UPF1: variants seen among roughly 807,000 people sequenced by gnomAD.
UPF1 encodes UPF1 RNA helicase and ATPase, also known as regulator of nonsense transcripts 1.
A neutral mutation model predicts 129.2 loss-of-function variants in UPF1; 9 were observed. The observed-to-expected ratio is 0.07, with a 90% CI of 0.04 to 0.12. The LOEUF (loss-of-function observed/expected upper bound fraction) is 0.12, where lower values mean the gene tolerates loss of function less well. UPF1 is among the 10% of genes least tolerant of loss of function. UPF1 has a pLI of 1.00. For missense variants in UPF1, 788 were observed against 1,525.3 expected (o/e 0.52, Z 8.05); for synonymous variants, 649 against 644.9 (o/e 1.01, Z -0.10).
rs376773925 is a variant in UPF1 at position 18,854,712 on chromosome 19, A to G, written c.1265+3A>G. The G allele has an allele frequency of 2.1e-4, 332 of 1,613,102 alleles. No homozygotes were observed. The highest frequency in any genetic ancestry group is 2.7e-4 in the Non-Finnish European group (314 of 1,179,764). On this transcript the variant is annotated splice_donor_region_variant and intron_variant, in intron 9 of 23. Coordinates refer to ENST00000262803, the MANE Select transcript of UPF1 (RefSeq NM_002911.4). Reference sequence around the variant, plus strand: ...TGGAAGTCGACCTCCTTTGACAGGTACGTCTTCTCCCATCACTGCCCCCTG... The same window carrying G: ...TGGAAGTCGACCTCCTTTGACAGGTGCGTCTTCTCCCATCACTGCCCCCTG...
rs759083658 is a variant in UPF1 at position 18,853,150 on chromosome 19, T to C, written c.1057+79T>C. ...ATTTGTGACCATAAGTAGCATAAAT[T>C]CCTAGTTCCACCCTTGTAAAGTGCC... On this transcript the variant is annotated intron_variant, in intron 7 of 23. Transcript: ENST00000262803. The surrounding 1 kb of genome is among the most constrained non-coding windows in gnomAD (Gnocchi z 4.4). 4 of 1,604,170 alleles carry C rather than the reference T, an allele frequency of 2.5e-6. No homozygotes were observed. Among genetic ancestry groups the C allele is most frequent in the Non-Finnish European group, 3.4e-6 (4 of 1,172,606 alleles).
chr19:18,852,266 C>G lies in UPF1; in HGVS notation c.942C>G (p.Ala314=). The change falls in exon 6 of 24, where the codon GCC becomes GCG. Residue 314 remains alanine (A), a synonymous_variant. Coordinates refer to ENST00000262803, the MANE Select transcript of UPF1 (RefSeq NM_002911.4). ...TCGGGCCCCTGGTCAAGCTGGAGGC[C>G]GACTACGACAAGAAGCTGAAGGAGT... ...NIFGPLVKLE[A]DYDKKLKESQ... The G allele has an allele frequency of 6.2e-7, 1 of 1,613,574 alleles. No homozygotes were observed. The highest frequency in any genetic ancestry group is 2.2e-5 in the East Asian group (1 of 44,820).
At position 18,852,362 on chromosome 19, in the gene UPF1, C is replaced by A. The variant is rs372411858; in HGVS notation, c.972+66C>A. On this transcript the variant is annotated intron_variant, in intron 6 of 23. Coordinates refer to ENST00000262803, the MANE Select transcript of UPF1 (RefSeq NM_002911.4). The stretch of plus-strand genomic sequence containing the variant: ...CTCTCACAGCTCTCTCCTCAGGCTT[C>A]CAGAGGGAGGTTTTCTCTCCAGGCT... 1.3e-4 allele frequency: 199 copies of A among 1,580,220 alleles called. No homozygotes were observed. The African/African-American group carries it at 2.2e-3, about 18-fold the overall frequency.
rs1474616640 is a variant in UPF1 at position 18,849,788 on chromosome 19, C to T, written c.462-287C>T. 36 of 411,212 alleles carry T rather than the reference C, an allele frequency of 8.8e-5. No homozygotes were observed. In the Admixed American group the frequency reaches 1.3e-3, roughly 15 times the overall value. 25.5% of individuals were successfully genotyped at this position (411,212 alleles called of 1,614,324 possible). On this transcript the variant is annotated intron_variant, in intron 3 of 23. Transcript: ENST00000262803. ...GGGCCAACAATGGGTTAAATTAGGCCTGATAAGTTGGATTTAAGAAAGCAG... is the reference window on the plus strand; with the variant it reads ...GGGCCAACAATGGGTTAAATTAGGCTTGATAAGTTGGATTTAAGAAAGCAG...
chr19:18,832,166 G>C lies in UPF1; in HGVS notation c.-44G>C. The C allele has an allele frequency of 6.7e-7, 1 of 1,488,532 alleles. No homozygotes were observed. Among genetic ancestry groups the C allele is most frequent in the Non-Finnish European group, 9.0e-7 (1 of 1,113,416 alleles). 92.2% of individuals were successfully genotyped at this position (1,488,532 alleles called of 1,614,324 possible). On this transcript the variant is annotated 5_prime_UTR_variant, in exon 1 of 24. Transcript: ENST00000262803. This position sits in a 1 kb window ranked among gnomAD's most constrained non-coding sequence, Gnocchi z 5.6. ...TAGGCCTCAGCGCGGCGGCGGGCTC[G>C]AGTGCAGCGCGGAACCGGCCCGAGG...
intron 1 of UPF1, among the ~76,000 whole-genome samples, chr19:18,835,090 C>G (rs2145928981): frequency 6.6e-6 from 1 of 152,288 alleles, no homozygotes; most frequent in African/African-American, 2.4e-5. Context: ...CCCTGCACCC[C>G]TTAGCCCATC....
chr19:18,854,577 A>T (rs902819667), intron 8 of UPF1, 24 bp from the exon 9 acceptor site: 3 of 1,586,632 alleles, frequency 1.9e-6, no homozygotes, highest in African/African-American at 1.3e-5. Context: ...TTTGACAAGG[A>T]TGCAAACTTA....
chr19:18,844,544 G>A lies in UPF1; in HGVS notation c.232-1436G>A, dbSNP rs546253237. ...AACGAGGTTTCACCATGTTGGCCAG[G>A]CTGGTCTCGAACTCCTGACCTCAGG... On this transcript the variant is annotated intron_variant, in intron 1 of 23. Transcript: ENST00000262803. Among the ~76,000 whole-genome samples, 26 of 151,896 alleles carry A rather than the reference G, an allele frequency of 1.7e-4. 1 individual carries two copies. In the South Asian group the frequency reaches 2.9e-3, roughly 17 times the overall value.
chr19:18,854,419 A>G (rs1340315733), intron 8 of UPF1, among the ~76,000 whole-genome samples, 182 bp from the exon 9 acceptor site: 1 of 152,232 alleles, frequency 6.6e-6, no homozygotes, highest in Non-Finnish European at 1.5e-5. Flanking sequence ...TCTTTCTTCA[A>G]GGATGCTGTC....
Position 18,865,790 on chromosome 19 carries a change from C to A in UPF1, c.3237+12C>A. The A allele has an allele frequency of 6.2e-7, 1 of 1,612,222 alleles. No individual in the cohort carries two copies. The highest frequency in any genetic ancestry group is 8.5e-7 in the Non-Finnish European group (1 of 1,179,902). On this transcript the variant is annotated intron_variant, in intron 22 of 23. Transcript: ENST00000262803. This position sits in a 1 kb window ranked among gnomAD's most constrained non-coding sequence, Gnocchi z 6.1. ...CGGAGCTGTCCCAGGTGAGCCCGCC[C>A]CTGGGACGGGACTTACCTGAGTGAG...
At position 18,845,988 on chromosome 19, in the gene UPF1, C is replaced by T. The variant is rs35427308; in HGVS notation, c.240C>T (p.Pro80=). 4,920 of 1,613,934 alleles carry T rather than the reference C, an allele frequency of 3.0e-3. 12 individuals are homozygous for T. Among genetic ancestry groups the T allele is most frequent in the Non-Finnish European group, 3.6e-3 (4,204 of 1,179,986 alleles). ...ACTGCGTTCTGCTGCAGGTTGGGCC[C>T]GAAGGCATCCTGCAGAACGGGGCTG... The part of the protein sequence containing the change: ...AAGQLDAQVG[P]EGILQNGAVD... Residue 80 remains proline, a synonymous_variant, in exon 2 of 24, where the codon CCC becomes CCT. Coordinates refer to ENST00000262803, the MANE Select transcript of UPF1 (RefSeq NM_002911.4).
rs1438414325 is a variant in UPF1 at position 18,865,475 on chromosome 19, G to C, written c.3019+25G>C. 6.2e-7 allele frequency: 1 copy of C among 1,611,824 alleles called. No individual in the cohort carries two copies. The highest frequency in any genetic ancestry group is 1.7e-5 in the Admixed American group (1 of 60,000). Reference sequence around the variant, plus strand: ...GGTGAGCATCTGTGGCTGCGGCTGGGTGTGGCCCTCCTGAGAGCTCTTGAG... The same window carrying C: ...GGTGAGCATCTGTGGCTGCGGCTGGCTGTGGCCCTCCTGAGAGCTCTTGAG... On this transcript the variant is annotated intron_variant, in intron 21 of 23. Transcript: ENST00000262803. This position sits in a 1 kb window ranked among gnomAD's most constrained non-coding sequence, Gnocchi z 6.1.
In UPF1 at chr19:18,852,348, C is replaced by G. The variant is rs775567117; in HGVS notation, c.972+52C>G. ...GGGGTGGGCTCTGGCTCTCACAGCT[C>G]TCTCCTCAGGCTTCCAGAGGGAGGT... On this transcript the variant is annotated intron_variant, in intron 6 of 23. Coordinates refer to ENST00000262803, the MANE Select transcript of UPF1 (RefSeq NM_002911.4). 2.5e-6 allele frequency: 4 copies of G among 1,601,524 alleles called. No individual in the cohort carries two copies. The African/African-American group carries it at 4.1e-5, about 16-fold the overall frequency.
chr19:18,854,288 C>T (rs759713732), intron 8 of UPF1, among the ~76,000 whole-genome samples: 10 of 152,170 alleles, frequency 6.6e-5, no homozygotes, highest in African/African-American at 9.7e-5. Flanking sequence ...TGCTGGTGAG[C>T]GCTGCTGGCT....
In UPF1 at chr19:18,853,040, C is replaced by A; in HGVS notation, c.1026C>A (p.Ile342=). 1.2e-6 allele frequency: 2 copies of A among 1,614,102 alleles called. No individual in the cohort carries two copies. The highest frequency in any genetic ancestry group is 1.7e-6 in the Non-Finnish European group (2 of 1,180,008). Residue 342 remains isoleucine (I), a synonymous_variant, in exon 7 of 24, where the codon ATC becomes ATA. Transcript: ENST00000262803. This position sits in a 1 kb window ranked among gnomAD's most constrained non-coding sequence, Gnocchi z 4.4. ...RWDLGLNKKR[I]AYFTLPKTDS... The stretch of plus-strand genomic sequence containing the variant: ...ACCTGGGCCTTAACAAGAAGAGAAT[C>A]GCCTACTTCACTTTGCCCAAGACTG...
At chr19:18,836,432 G>A (rs1601092624) in intron 1 of UPF1, among the ~76,000 whole-genome samples, 1 of 152,064 alleles carries the variant, frequency 6.6e-6, no homozygotes, top group Non-Finnish European at 1.5e-5. Flanking sequence ...TTACTTTTTT[G>A]TATGTGTCAT....
rs2238656 is a variant in UPF1, at chr19:18,853,701, G to A, written c.1156+351G>A. Among the ~76,000 whole-genome samples the A allele has an allele frequency of 0.31, 46,422 of 152,164 alleles. 8,889 individuals carry two copies. The highest frequency in any genetic ancestry group is 0.47 in the Admixed American group (7,170 of 15,286). On this transcript the variant is annotated intron_variant, in intron 8 of 23. Transcript: ENST00000262803. This position sits in a 1 kb window ranked among gnomAD's most constrained non-coding sequence, Gnocchi z 4.4. ...GGCTGCAGGAGCGCCTTACCTGGACGCTGACTCTGCACACGGAGGTTCCAG... is the reference window on the plus strand; with the variant it reads ...GGCTGCAGGAGCGCCTTACCTGGACACTGACTCTGCACACGGAGGTTCCAG...
chr19:18,832,244 C>G lies in UPF1; in HGVS notation c.35C>G (p.Thr12Ser), dbSNP rs752725207. 3 of 1,551,126 alleles carry G rather than the reference C, an allele frequency of 1.9e-6. No homozygotes were observed. The highest frequency in any genetic ancestry group is 2.6e-6 in the Non-Finnish European group (3 of 1,148,642). The change falls in exon 1 of 24, where the codon ACT becomes AGT. Residue 12 changes from threonine (T) to serine (S), a missense_variant. Coordinates refer to ENST00000262803, the MANE Select transcript of UPF1 (RefSeq NM_002911.4). This position sits in a 1 kb window ranked among gnomAD's most constrained non-coding sequence, Gnocchi z 5.6. ...SVEAYGPSSQTLTFLDTEEAE... is the reference protein window; with the variant it reads ...SVEAYGPSSQSLTFLDTEEAE... Reference sequence around the variant, plus strand: ...GAGGCGTACGGGCCCAGCTCGCAGACTCTCACTTTCCTGGACACGGAGGAG... The same window carrying G: ...GAGGCGTACGGGCCCAGCTCGCAGAGTCTCACTTTCCTGGACACGGAGGAG...
intron 1 of UPF1, among the ~76,000 whole-genome samples, chr19:18,839,325 C>G (rs933033339): frequency 1.3e-5 from 2 of 152,146 alleles, no homozygotes; most frequent in Non-Finnish European, 2.9e-5. Context: ...AGCTCCTGAC[C>G]TCAGGTGATC....
Sources: allele counts gnomAD v4.1 joint callset (sites outside exome capture counted in the v4.1 genomes callset), GRCh38; gene constraint gnomAD v4.1.1; non-coding constraint Gnocchi (gnomAD v3.1); transcripts MANE v1.5; gene names NCBI Gene and HGNC (gene_info 2026-07-23, HGNC 2026-07-21).